ADAMTS19: variants seen among roughly 807,000 people sequenced by gnomAD.
The protein encoded by ADAMTS19 is A disintegrin and metalloproteinase with thrombospondin motifs 19.
Under a neutral mutation model 153.3 loss-of-function variants are expected in ADAMTS19, and 93 were observed. The ratio of observed to expected loss-of-function variants is 0.61; its 90% CI spans 0.51 to 0.72. The LOEUF (loss-of-function observed/expected upper bound fraction) is 0.72, where lower values mean the gene tolerates loss of function less well. ADAMTS19 is among the 30% of genes least tolerant of loss of function. The pLI is 0.00. For synonymous variants in ADAMTS19, 600 were observed against 556.6 expected (o/e 1.08, Z -1.10); for missense variants, 1,482 against 1,552.1 (o/e 0.95, Z 0.76).
intron 8 of ADAMTS19, among the ~76,000 whole-genome samples, chr5:129,616,079 C>T (rs1751509871): frequency 6.6e-6 from 1 of 151,770 alleles, no homozygotes; most frequent in Non-Finnish European, 1.5e-5. Flanking sequence ...TTTATATAGC[C>T]TTTTGACTTG....
intron 14 of ADAMTS19, among the ~76,000 whole-genome samples, chr5:129,658,313 G>GAAAGAA (rs1753642951): frequency 8.5e-5 from 2 of 23,568 alleles, no homozygotes; most frequent in African/African-American, 2.0e-4. Flanking sequence ...GAAAGAAAAA[G>GAAAGAA]AAAGAAAGAA....
chr5:129,733,442 C>A (rs1364854217), intron 21 of ADAMTS19, among the ~76,000 whole-genome samples: 1 of 151,794 alleles, frequency 6.6e-6, no homozygotes, highest in South Asian at 2.1e-4. Context: ...CTGCAAGGAA[C>A]TCAAACAACT....
chr5:129,512,855 T>C (rs1581024372), intron 3 of ADAMTS19, among the ~76,000 whole-genome samples: 1 of 152,200 alleles, frequency 6.6e-6, no homozygotes, highest in Middle Eastern at 3.4e-3. Context: ...TCTATGGGAA[T>C]GTCTTCTTCC....
At chr5:129,528,754 A>G in intron 6 of ADAMTS19, 77 bp downstream of exon 6, 1 of 1,168,722 alleles carries the variant, frequency 8.6e-7, no homozygotes, top group Non-Finnish European at 1.2e-6. Flanking sequence ...CCCTTAATAG[A>G]TAATGTTTTT....
At chr5:129,489,477 T>TTGA (rs1465252820) in intron 2 of ADAMTS19, among the ~76,000 whole-genome samples, 1 of 152,278 alleles carries the variant, frequency 6.6e-6, no homozygotes, top group East Asian at 1.9e-4. Flanking sequence ...TATGAAATTC[T>TTGA]TGATATATGA....
intron 22 of ADAMTS19, among the ~76,000 whole-genome samples, 160 bp downstream of exon 22, chr5:129,735,269 G>T (rs1209083258): frequency 1.3e-5 from 2 of 150,280 alleles, no homozygotes; most frequent in Non-Finnish European, 3.0e-5. Context: ...CGTCCAAATG[G>T]TCAGGTGGGT....
At chr5:129,711,339 G>A (rs1364538532) in intron 21 of ADAMTS19, among the ~76,000 whole-genome samples, 3 of 152,128 alleles carry the variant, frequency 2.0e-5, no homozygotes, top group African/African-American at 7.2e-5. Context: ...ATATGCCAGA[G>A]GCCTGAATGT....
At position 129,717,547 on chromosome 5, in the gene ADAMTS19, T is replaced by C. The variant is rs527384145; in HGVS notation, c.3312+13156T>C. The stretch of plus-strand genomic sequence containing the variant: ...GTTTTTAAGTAAATTCACCCTTACT[T>C]TAATAACAGAATACTTGAGACCAAA... On this transcript the variant is annotated intron_variant, in intron 21 of 22. Coordinates refer to ENST00000274487, the MANE Select transcript of ADAMTS19 (RefSeq NM_133638.6). Among the ~76,000 whole-genome samples the C allele has an allele frequency of 2.8e-4, 42 of 152,314 alleles. 1 individual carries two copies. The highest frequency in any genetic ancestry group is 1.0e-3 in the African/African-American group (42 of 41,580).
chr5:129,519,618 T>C (rs1021070077), intron 3 of ADAMTS19, among the ~76,000 whole-genome samples: 2 of 150,244 alleles, frequency 1.3e-5, no homozygotes, highest in Non-Finnish European at 3.0e-5. Flanking sequence ...TCAAGGTTTA[T>C]AGGCTGCCCT....
chr5:129,676,435 C>T (rs893590826), intron 16 of ADAMTS19, among the ~76,000 whole-genome samples: 1 of 152,020 alleles, frequency 6.6e-6, no homozygotes, highest in Non-Finnish European at 1.5e-5. Flanking sequence ...ATTTGAACTC[C>T]GTTCTCTGTG....
At chr5:129,516,681 C>G (rs1751622950) in intron 3 of ADAMTS19, among the ~76,000 whole-genome samples, 1 of 151,748 alleles carries the variant, frequency 6.6e-6, no homozygotes, top group Non-Finnish European at 1.5e-5. Context: ...TTTGGACCTT[C>G]TCTCTTTTAC....
intron 8 of ADAMTS19, among the ~76,000 whole-genome samples, chr5:129,611,404 G>A (rs1441043208): frequency 1.3e-5 from 2 of 152,020 alleles, no homozygotes; most frequent in African/African-American, 4.8e-5. Flanking sequence ...TTTTCTTTTC[G>A]GGTTTTTATG....
intron 11 of ADAMTS19, among the ~76,000 whole-genome samples, chr5:129,647,391 T>G (rs1022150266): frequency 4.6e-5 from 7 of 152,182 alleles, no homozygotes; most frequent in Non-Finnish European, 8.8e-5. Flanking sequence ...TTCTTATATA[T>G]TACTCTGATT....
In ADAMTS19 at chr5:129,471,373, T is replaced by C. The variant is rs977612716; in HGVS notation, c.747+9616T>C. Among the ~76,000 whole-genome samples, 5 of 118,850 alleles carry C rather than the reference T, an allele frequency of 4.2e-5. No homozygotes were observed. In the South Asian group the frequency reaches 1.0e-3, roughly 24 times the overall value. The allele number at this position is 118,850 out of a possible 152,430, so 78.0% of individuals were successfully genotyped here. On this transcript the variant is annotated intron_variant, in intron 2 of 22. Transcript: ENST00000274487. ...AGAGTGAGACCCTGTCTCAAAAGAA[T>C]GAAAGAAAGACAGAGAAAGAGAGGG...
chr5:129,613,810 G>C (rs940209227), intron 8 of ADAMTS19, among the ~76,000 whole-genome samples: 4 of 152,090 alleles, frequency 2.6e-5, no homozygotes, highest in African/African-American at 9.7e-5. Context: ...AAGAAGAAAA[G>C]AGAGAAGAAT....
At chr5:129,661,431 C>G (rs535255066) in intron 15 of ADAMTS19, among the ~76,000 whole-genome samples, 5 of 152,282 alleles carry the variant, frequency 3.3e-5, no homozygotes, top group African/African-American at 9.6e-5. Flanking sequence ...GTATTTATTT[C>G]TCTTGAGACA....
chr5:129,460,598 G>A (rs1460509342), intron 1 of ADAMTS19, 116 bp downstream of exon 1: 1 of 1,165,470 alleles, frequency 8.6e-7, no homozygotes, highest in Non-Finnish European at 1.3e-6. Context: ...TCAGTGGGTA[G>A]CAATAAAAAT....
At chr5:129,580,453 A>T (rs1173129728) in intron 7 of ADAMTS19, among the ~76,000 whole-genome samples, 1 of 152,156 alleles carries the variant, frequency 6.6e-6, no homozygotes, top group Non-Finnish European at 1.5e-5. Flanking sequence ...TGCCCTGGCC[A>T]GAACGTCCAA....
chr5:129,654,758 CA>C (rs1409224375), intron 14 of ADAMTS19, among the ~76,000 whole-genome samples: 1 of 152,086 alleles, frequency 6.6e-6, no homozygotes, highest in Non-Finnish European at 1.5e-5. Flanking sequence ...ACCAAAAATT[CA>C]AGCACTCTAG....
Sources: gnomAD v4.1 joint callset for allele counts (sites outside exome capture counted in the v4.1 genomes callset) on GRCh38, gnomAD v4.1.1 for gene constraint, MANE v1.5 for transcripts, NCBI Gene and HGNC (gene_info 2026-07-23, HGNC 2026-07-21) for gene names.